The following UBASH3B variants were observed in gnomAD, a reference collection of about 807,000 sequenced individuals.
The protein encoded by UBASH3B is ubiquitin associated and SH3 domain containing B, also known as ubiquitin-associated and SH3 domain-containing protein B.
Under a neutral mutation model 83.4 loss-of-function variants are expected in UBASH3B, and 37 were observed. That is an observed-to-expected ratio of 0.44 (90% CI 0.34 to 0.58). The LOEUF is 0.58. Ranked by LOEUF, UBASH3B falls within the 20% of genes least tolerant of loss-of-function variation. The pLI is 0.01. For missense variants in UBASH3B, 657 were observed against 827.2 expected, an observed-to-expected ratio of 0.79 and a Z score of 2.52; for synonymous variants, 304 against 318.3, an observed-to-expected ratio of 0.96 and a Z score of 0.48.
chr11:122,793,489 T>C (rs1861096141), intron 6 of UBASH3B, among the ~76,000 whole-genome samples: 1 of 152,214 alleles, frequency 6.6e-6, no homozygotes, highest in Non-Finnish European at 1.5e-5. Context: ...CAGGAGTATA[T>C]GGAGCAAACT....
At chr11:122,674,782 G>T (rs1274276074) in intron 1 of UBASH3B, among the ~76,000 whole-genome samples, 1 of 145,902 alleles carries the variant, frequency 6.9e-6, no homozygotes, top group Non-Finnish European at 1.5e-5. Flanking sequence ...AGGCTGGAGT[G>T]CAGTGGCACA....
chr11:122,750,563 A>G (rs1041621680), intron 1 of UBASH3B, among the ~76,000 whole-genome samples: 3 of 152,220 alleles, frequency 2.0e-5, no homozygotes, highest in Non-Finnish European at 4.4e-5. Context: ...AGGGAAAAAG[A>G]ATTATTTCCA....
rs910734919 is a variant in UBASH3B, at chr11:122,676,123, T to C, written c.161+19913T>C. On this transcript the variant is annotated intron_variant, in intron 1 of 13. Coordinates refer to ENST00000284273, the MANE Select transcript of UBASH3B (RefSeq NM_032873.5). ...AGATTTCATTAAAAAAATTTTTGGC[T>C]GGGTGTGGTGGCTCAGGCCTGTAAT... Among the ~76,000 whole-genome samples, 4 of 152,136 alleles carry C rather than the reference T, an allele frequency of 2.6e-5. No individual in the cohort carries two copies. In the East Asian group the frequency reaches 7.7e-4, roughly 29 times the overall value.
intron 5 of UBASH3B, 83 bp downstream of exon 5, chr11:122,783,305 T>C: frequency 6.7e-7 from 1 of 1,494,250 alleles, no homozygotes; most frequent in African/African-American, 1.4e-5. Flanking sequence ...GGGAGATGGG[T>C]ACCTACAGGG....
intron 1 of UBASH3B, among the ~76,000 whole-genome samples, chr11:122,744,671 C>T (rs1034282454): frequency 1.3e-5 from 2 of 149,612 alleles, no homozygotes; most frequent in African/African-American, 5.0e-5. Flanking sequence ...ATGTGTGTCA[C>T]TGTGAGTGTG....
At chr11:122,748,632 C>T (rs1861156451) in intron 1 of UBASH3B, among the ~76,000 whole-genome samples, 1 of 152,164 alleles carries the variant, frequency 6.6e-6, no homozygotes, top group African/African-American at 2.4e-5. Flanking sequence ...TCTTTGAATA[C>T]CTCCATTTCC....
At chr11:122,702,556 C>G (rs1864055289) in intron 1 of UBASH3B, among the ~76,000 whole-genome samples, 1 of 150,472 alleles carries the variant, frequency 6.6e-6, no homozygotes, top group African/African-American at 2.4e-5. Context: ...TGGAATTTTG[C>G]TCTTGTCGCC....
chr11:122,710,108 G>A (rs1375632409), intron 1 of UBASH3B, among the ~76,000 whole-genome samples: 3 of 145,634 alleles, frequency 2.1e-5, no homozygotes, highest in Non-Finnish European at 3.0e-5. Context: ...GTGAGCCGAG[G>A]TCATACCACT....
chr11:122,669,911 C>A (rs1220899007), intron 1 of UBASH3B, among the ~76,000 whole-genome samples: 2 of 152,160 alleles, frequency 1.3e-5, no homozygotes, highest in Non-Finnish European at 2.9e-5. Flanking sequence ...TCTTAGCCAG[C>A]ATCCATGGTA....
intron 10 of UBASH3B, among the ~76,000 whole-genome samples, chr11:122,800,641 C>T (rs534205846): frequency 6.6e-6 from 1 of 152,142 alleles, no homozygotes; most frequent in East Asian, 1.9e-4. Context: ...TAGAATCTCG[C>T]TCTGTCACCA....
At chr11:122,763,190 C>T (rs1327111460) in intron 1 of UBASH3B, among the ~76,000 whole-genome samples, 2 of 152,160 alleles carry the variant, frequency 1.3e-5, no homozygotes. Context: ...GCTAGAGGGA[C>T]ACATAACAGA....
At position 122,713,796 on chromosome 11, in the gene UBASH3B, C is replaced by G. The variant is rs142790673; in HGVS notation, c.161+57586C>G. The stretch of plus-strand genomic sequence containing the variant: ...CAGGGTTATTCCTGAAAATTCTGAT[C>G]CAGTAGGTCTTGGGGAACATGGGAA... On this transcript the variant is annotated intron_variant, in intron 1 of 13. Coordinates refer to ENST00000284273, the MANE Select transcript of UBASH3B (RefSeq NM_032873.5). Among the ~76,000 whole-genome samples the G allele has an allele frequency of 6.8e-4, 103 of 151,726 alleles. 1 individual carries two copies. Among genetic ancestry groups the G allele is most frequent in the African/African-American group, 2.2e-3 (93 of 41,366 alleles).
chr11:122,782,908 CTG>C, intron 4 of UBASH3B, 143 bp from the exon 5 acceptor site: 1 of 946,188 alleles, frequency 1.1e-6, no homozygotes, highest in Non-Finnish European at 1.6e-6. Context: ...TATTCTACTG[CTG>C]TGAAGGAGAG....
chr11:122,750,042 A>G (rs529245432), intron 1 of UBASH3B, among the ~76,000 whole-genome samples: 32 of 152,324 alleles, frequency 2.1e-4, no homozygotes, highest in Non-Finnish European at 4.1e-4. Context: ...CAAGGTAATC[A>G]TTCTTAAACC....
chr11:122,690,204 A>ATCTAAT (rs1863871999), intron 1 of UBASH3B, among the ~76,000 whole-genome samples: 1 of 24,568 alleles, frequency 4.1e-5, no homozygotes, highest in African/African-American at 9.8e-5. Flanking sequence ...ATATATATAT[A>ATCTAAT]TATATCCAAT....
At chr11:122,801,375 T>G (rs1326309419) in intron 11 of UBASH3B, 43 bp downstream of exon 11, 5 of 1,604,900 alleles carry the variant, frequency 3.1e-6, no homozygotes, top group Non-Finnish European at 3.4e-6. Flanking sequence ...AGTGTGGAAG[T>G]GCTTTCTGCA....
intron 1 of UBASH3B, among the ~76,000 whole-genome samples, chr11:122,690,134 T>G (rs1483424130): frequency 7.1e-6 from 1 of 140,442 alleles, no homozygotes; most frequent in Non-Finnish European, 1.5e-5. Flanking sequence ...AGAGAGATTC[T>G]GTTTCCTGAG....
Position 122,789,324 on chromosome 11 carries a change from G to T in UBASH3B, c.980+16G>T, listed in dbSNP as rs1861011779. ...TATTTCATGGGTAAGCAGACACAAA[G>T]ACCTTTATGCCATTTGAAGAATGTT... On this transcript the variant is annotated intron_variant, in intron 6 of 13. Coordinates refer to ENST00000284273, the MANE Select transcript of UBASH3B (RefSeq NM_032873.5). The T allele has an allele frequency of 6.2e-7, 1 of 1,613,810 alleles. No homozygotes were observed. The highest frequency in any genetic ancestry group is 8.5e-7 in the Non-Finnish European group (1 of 1,179,748).
chr11:122,790,339 C>T (rs1476051588), intron 6 of UBASH3B, among the ~76,000 whole-genome samples: 1 of 152,118 alleles, frequency 6.6e-6, no homozygotes, highest in Admixed American at 6.5e-5. Flanking sequence ...GCAATCCCTC[C>T]CCCTCTCCCT....
Sources: gnomAD v4.1 joint callset for allele counts (sites outside exome capture counted in the v4.1 genomes callset) on GRCh38, gnomAD v4.1.1 for gene constraint, MANE v1.5 for transcripts, NCBI Gene and HGNC (gene_info 2026-07-23, HGNC 2026-07-21) for gene names.